ADGRL3: variants seen among roughly 807,000 people sequenced by gnomAD.
ADGRL3 encodes adhesion G protein-coupled receptor L3, also known as calcium-independent alpha-latrotoxin receptor 3.
A neutral mutation model predicts 153.5 loss-of-function variants in ADGRL3; 62 were observed. That is an observed-to-expected ratio of 0.40 (90% CI 0.33 to 0.50). ADGRL3 has a LOEUF of 0.50. ADGRL3 is among the 20% of genes least tolerant of loss of function. The pLI, the probability that ADGRL3 is intolerant of heterozygous loss-of-function variation, is 0.47. For missense variants in ADGRL3, 1,641 were observed against 1,859.4 expected, an observed-to-expected ratio of 0.88 and a Z score of 2.16; for synonymous variants, 710 against 672.5, an observed-to-expected ratio of 1.06 and a Z score of -0.86.
At chr4:61,346,492 G>A (rs1355066206) in intron 1 of ADGRL3, among the ~76,000 whole-genome samples, 1 of 151,864 alleles carries the variant, frequency 6.6e-6, no homozygotes, top group African/African-American at 2.4e-5. Context: ...GGCCAGGTGG[G>A]GTGGCTCATG....
chr4:62,007,186 T>C (rs1421583079), intron 21 of ADGRL3, among the ~76,000 whole-genome samples: 1 of 150,836 alleles, frequency 6.6e-6, no homozygotes, highest in African/African-American at 2.4e-5. Flanking sequence ...TTGTCTCCCA[T>C]GTTCAGGATG....
intron 1 of ADGRL3, among the ~76,000 whole-genome samples, chr4:61,241,374 G>A (rs1022601397): frequency 1.3e-5 from 2 of 151,968 alleles, no homozygotes; most frequent in African/African-American, 2.4e-5. Context: ...ATAGCCATAG[G>A]ATTTTTGACT....
chr4:61,625,160 A>G (rs1265843328), intron 5 of ADGRL3, among the ~76,000 whole-genome samples: 2 of 152,074 alleles, frequency 1.3e-5, no homozygotes, highest in Admixed American at 6.6e-5. Context: ...CATCCAGCCA[A>G]ATCATTCAAC....
chr4:61,732,747 C>T lies in ADGRL3; in HGVS notation c.599-7C>T. On this transcript the variant is annotated splice_polypyrimidine_tract_variant and splice_region_variant and intron_variant, in intron 7 of 26. Transcript: ENST00000683033. ...TTTATTTATTTTAACTGTTTCCCTT[C>T]CAACAGTTTTTCTTTGTCCTGGACT... is the stretch of plus-strand genomic sequence containing the variant. 1 of 1,462,578 alleles carries T rather than the reference C, an allele frequency of 6.8e-7. No individual in the cohort carries two copies. The highest frequency in any genetic ancestry group is 9.2e-7 in the Non-Finnish European group (1 of 1,092,820). 90.6% of individuals were successfully genotyped at this position (1,462,578 alleles called of 1,614,324 possible).
intron 1 of ADGRL3, among the ~76,000 whole-genome samples, chr4:61,381,293 TTGTGTGTGTGTG>T (rs55767359): frequency 0.038 from 5,318 of 141,466 alleles, 138 homozygotes; most frequent in Non-Finnish European, 0.057. Flanking sequence ...ATAAACAAGT[TTGTGTGTGTGTG>T]TGTGTGTGTG....
intron 11 of ADGRL3, among the ~76,000 whole-genome samples, chr4:61,899,505 G>C (rs2098651855): frequency 6.6e-6 from 1 of 151,600 alleles, no homozygotes; most frequent in Admixed American, 6.6e-5. Context: ...TGGAAACACA[G>C]GTGAAAAAAA....
At chr4:61,588,891 C>A (rs376196010) in intron 5 of ADGRL3, among the ~76,000 whole-genome samples, 1 of 152,042 alleles carries the variant, frequency 6.6e-6, no homozygotes. Flanking sequence ...CTGTAGAATT[C>A]ATTTGGAATG....
At chr4:61,562,944 CAAAAA>C (rs35146786) in intron 4 of ADGRL3, among the ~76,000 whole-genome samples, 71 of 105,920 alleles carry the variant, frequency 6.7e-4, no homozygotes, top group African/African-American at 2.3e-3. Flanking sequence ...GACCCTGTCT[CAAAAA>C]AAAAAAAAAA....
At chr4:61,974,409 G>A (rs1388866321) in intron 17 of ADGRL3, among the ~76,000 whole-genome samples, 2 of 151,900 alleles carry the variant, frequency 1.3e-5, no homozygotes, top group African/African-American at 2.4e-5. Flanking sequence ...AATAACATTA[G>A]CATTTATTAT....
chr4:61,740,828 C>T (rs1159644781), intron 8 of ADGRL3, among the ~76,000 whole-genome samples: 2 of 152,180 alleles, frequency 1.3e-5, no homozygotes, highest in African/African-American at 4.8e-5. Flanking sequence ...GCTTCCCAAA[C>T]ACAATCCACA....
intron 2 of ADGRL3, among the ~76,000 whole-genome samples, chr4:61,413,701 T>C (rs1262934101): frequency 6.6e-6 from 1 of 152,184 alleles, no homozygotes; most frequent in East Asian, 1.9e-4. Flanking sequence ...TGTTGGTGTT[T>C]CCATGTTGCC....
At chr4:61,281,161 AT>A (rs1030703691) in intron 1 of ADGRL3, among the ~76,000 whole-genome samples, 1 of 148,494 alleles carries the variant, frequency 6.7e-6, no homozygotes, top group African/African-American at 2.5e-5. Context: ...TAATAAAACT[AT>A]TTTCAGTTTT....
intron 1 of ADGRL3, among the ~76,000 whole-genome samples, chr4:61,286,102 T>G (rs2093930478): frequency 6.6e-6 from 1 of 151,634 alleles, no homozygotes; most frequent in South Asian, 2.1e-4. Context: ...TATTAAAATA[T>G]TTTGATTTAT....
intron 8 of ADGRL3, among the ~76,000 whole-genome samples, chr4:61,755,834 A>C (rs1336871391): frequency 6.6e-6 from 1 of 152,208 alleles, no homozygotes; most frequent in Non-Finnish European, 1.5e-5. Context: ...AGCTTTCTAC[A>C]TATGGCTAGC....
Position 61,241,971 on chromosome 4 carries a change from A to G in ADGRL3, c.-240+40206A>G, listed in dbSNP as rs148960793. Among the ~76,000 whole-genome samples, 1,079 of 152,154 alleles carry G rather than the reference A, an allele frequency of 7.1e-3. 2 individuals carry two copies. The highest frequency in any genetic ancestry group is 0.012 in the Non-Finnish European group (788 of 67,962). On this transcript the variant is annotated intron_variant, in intron 1 of 26. Transcript: ENST00000683033. ...TAGAATACAAATCCAAATAATTAGT[A>G]TGGCCAGACCCCAGGTGCTATGGCT...
chr4:62,069,963 G>A, intron 26 of ADGRL3, 146 bp from the exon 27 acceptor site: 2 of 656,438 alleles, frequency 3.0e-6, no homozygotes, highest in African/African-American at 1.8e-5. Context: ...AGTATTTTCT[G>A]TTTCCTTCCA....
chr4:61,664,797 A>G (rs771978722), intron 5 of ADGRL3, among the ~76,000 whole-genome samples: 1 of 152,158 alleles, frequency 6.6e-6, no homozygotes, highest in Non-Finnish European at 1.5e-5. Flanking sequence ...AATATGAAGT[A>G]CTTTTCATTA....
At chr4:61,394,183 G>T (rs1189900507) in intron 2 of ADGRL3, among the ~76,000 whole-genome samples, 1 of 151,992 alleles carries the variant, frequency 6.6e-6, no homozygotes, top group Non-Finnish European at 1.5e-5. Context: ...TTTCCTGAGT[G>T]ATAGAGTATT....
chr4:61,275,264 T>A (rs2093405533), intron 1 of ADGRL3, among the ~76,000 whole-genome samples: 1 of 152,184 alleles, frequency 6.6e-6, no homozygotes, highest in Non-Finnish European at 1.5e-5. Flanking sequence ...TATAAGTTTA[T>A]CTGAGGGTAG....
Sources: allele counts gnomAD v4.1 joint callset (sites outside exome capture counted in the v4.1 genomes callset), GRCh38; gene constraint gnomAD v4.1.1; transcripts MANE v1.5; gene names NCBI Gene and HGNC (gene_info 2026-07-23, HGNC 2026-07-21).